DLGAP2: variants seen among roughly 807,000 people sequenced by gnomAD.
The protein encoded by DLGAP2 is DLG associated protein 2, also known as disks large-associated protein 2.
DLGAP2 carries 26 observed loss-of-function variants against 100.3 expected under a neutral mutation model. The ratio of observed to expected loss-of-function variants is 0.26; its 90% CI spans 0.19 to 0.36. The LOEUF (loss-of-function observed/expected upper bound fraction) is 0.36, where lower values mean the gene tolerates loss of function less well. DLGAP2 is among the 10% of genes least tolerant of loss of function. The pLI, the probability that DLGAP2 is intolerant of heterozygous loss-of-function variation, is 1.00. For synonymous variants in DLGAP2, 886 were observed against 630.1 expected, an observed-to-expected ratio of 1.41 and a Z score of -6.08; for missense variants, 1,858 against 1,453.2, an observed-to-expected ratio of 1.28 and a Z score of -4.53.
intron 1 of DLGAP2, among the ~76,000 whole-genome samples, chr8:831,436 A>C (rs556309055): frequency 2.0e-5 from 3 of 151,958 alleles, no homozygotes; most frequent in East Asian, 3.9e-4. Flanking sequence ...TCATTGTTCA[A>C]TTCCTACCTA....
chr8:848,874 T>TCTGTTCCAGAATAGGAACGCGCGGTGC (rs1563061826), intron 1 of DLGAP2, among the ~76,000 whole-genome samples: 16,058 of 130,174 alleles, frequency 0.12, 2,695 homozygotes, highest in Admixed American at 0.29. Context: ...TCGCGCGGTG[T>TCTGTTCCAGAATAGGAACGCGCGGTGC]CTGTTCCAGC....
intron 3 of DLGAP2, among the ~76,000 whole-genome samples, chr8:1,434,740 G>A (rs946913655): frequency 6.6e-6 from 1 of 152,192 alleles, no homozygotes; most frequent in Non-Finnish European, 1.5e-5. Flanking sequence ...CTTCCAAAGT[G>A]CTGGGATTAC....
At chr8:1,199,474 A>G (rs1337231226) in intron 2 of DLGAP2, among the ~76,000 whole-genome samples, 2 of 152,188 alleles carry the variant, frequency 1.3e-5, no homozygotes, top group African/African-American at 2.4e-5. Context: ...AGGAGGACAC[A>G]GTAAAGGCAC....
intron 1 of DLGAP2, among the ~76,000 whole-genome samples, chr8:770,137 T>A (rs879448910): frequency 3.3e-5 from 5 of 152,208 alleles, no homozygotes; most frequent in Non-Finnish European, 5.9e-5. Context: ...AGAAGAAACA[T>A]ACATTATCCC....
intron 2 of DLGAP2, among the ~76,000 whole-genome samples, chr8:926,015 C>T (rs531932391): frequency 2.0e-5 from 3 of 152,308 alleles, no homozygotes; most frequent in Admixed American, 2.0e-4. Context: ...CACTTGGGCT[C>T]CGGGCCGCTC....
At position 931,523 on chromosome 8, in the gene DLGAP2, T is replaced by A. The variant is rs140454892; in HGVS notation, c.73+23557T>A. On this transcript the variant is annotated intron_variant, in intron 2 of 14. Transcript: ENST00000637795. ...AGAATCCCAGGTATCTCGGCCGTTA[T>A]TTTTAGGCACTGCCACTTGTCATGA... Among the ~76,000 whole-genome samples, 614 of 152,328 alleles carry A rather than the reference T, an allele frequency of 4.0e-3. 4 individuals are homozygous for A. The highest frequency in any genetic ancestry group is 0.014 in the African/African-American group (576 of 41,586).
At chr8:751,747 AT>A (rs1820796231) in intron 1 of DLGAP2, among the ~76,000 whole-genome samples, 1 of 152,180 alleles carries the variant, frequency 6.6e-6, no homozygotes, top group African/African-American at 2.4e-5. Context: ...TAGGAAGTTC[AT>A]CTGACACTTT....
chr8:1,511,198 C>A (rs574934909), intron 4 of DLGAP2, among the ~76,000 whole-genome samples: 1 of 151,378 alleles, frequency 6.6e-6, no homozygotes, highest in South Asian at 2.1e-4. Flanking sequence ...CTTCCATGGA[C>A]GTAAGTGCTG....
intron 2 of DLGAP2, among the ~76,000 whole-genome samples, chr8:937,116 A>G (rs2129004520): frequency 6.6e-6 from 1 of 152,268 alleles, no homozygotes; most frequent in South Asian, 2.1e-4. Context: ...ACTCTTCTTA[A>G]GACTTTCTCC....
intron 4 of DLGAP2, among the ~76,000 whole-genome samples, chr8:1,507,928 TAGG>T (rs1376891018): frequency 1.3e-5 from 2 of 151,232 alleles, no homozygotes; most frequent in Admixed American, 6.6e-5. Context: ...CCACACATTT[TAGG>T]AGAAGGCTCC....
chr8:819,702 C>T (rs901965235), intron 1 of DLGAP2, among the ~76,000 whole-genome samples: 1 of 152,118 alleles, frequency 6.6e-6, no homozygotes, highest in African/African-American at 2.4e-5. Context: ...AAGAATAAGC[C>T]TCACAAAATA....
rs933291154 is a variant in DLGAP2, at chr8:1,165,392, C to T, written c.74-93459C>T. On this transcript the variant is annotated intron_variant, in intron 2 of 14. Transcript: ENST00000637795. ...TACCAAGCGCTGGCACAGCCGGGCT[C>T]GGGTCTTAGGGGACAGGTGCTGTGA... 3.9e-5 allele frequency among the ~76,000 whole-genome samples: 6 copies of T among 152,284 alleles called. No individual in the cohort carries two copies. The South Asian group carries it at 1.0e-3, about 26-fold the overall frequency.
At chr8:1,338,864 G>T (rs1203489771) in intron 3 of DLGAP2, among the ~76,000 whole-genome samples, 1 of 145,928 alleles carries the variant, frequency 6.9e-6, no homozygotes, top group Non-Finnish European at 1.5e-5. Flanking sequence ...AGTGACTTCA[G>T]TGAGGCGTCA....
intron 6 of DLGAP2, among the ~76,000 whole-genome samples, chr8:1,614,918 A>C (rs1362779312): frequency 6.6e-6 from 1 of 152,210 alleles, no homozygotes; most frequent in Non-Finnish European, 1.5e-5. Context: ...GGAAGTAGAG[A>C]CTATTCACAT....
At chr8:1,377,515 G>C (rs149916075) in intron 3 of DLGAP2, among the ~76,000 whole-genome samples, 1 of 152,186 alleles carries the variant, frequency 6.6e-6, no homozygotes, top group African/African-American at 2.4e-5. Flanking sequence ...CTGCACTCCA[G>C]CCCGGGCGAT....
chr8:826,660 T>C (rs1049299207), intron 1 of DLGAP2, among the ~76,000 whole-genome samples: 6 of 152,028 alleles, frequency 3.9e-5, no homozygotes, highest in Admixed American at 2.0e-4. Flanking sequence ...GTCTCGAGGG[T>C]CCCGCGCCCC....
At chr8:1,602,426 T>G (rs1035197607) in intron 6 of DLGAP2, among the ~76,000 whole-genome samples, 1 of 152,180 alleles carries the variant, frequency 6.6e-6, no homozygotes, top group Non-Finnish European at 1.5e-5. Flanking sequence ...ATCTCCAGCT[T>G]TAACAGTGAA....
intron 4 of DLGAP2, among the ~76,000 whole-genome samples, chr8:1,544,605 A>T (rs1409717939): frequency 6.6e-6 from 1 of 152,154 alleles, no homozygotes; most frequent in Non-Finnish European, 1.5e-5. Flanking sequence ...TGTTCTATTA[A>T]AGTGATTTAT....
At chr8:1,408,544 C>G (rs1302434451) in intron 3 of DLGAP2, among the ~76,000 whole-genome samples, 3 of 152,220 alleles carry the variant, frequency 2.0e-5, no homozygotes, top group Admixed American at 6.5e-5. Flanking sequence ...CACTGGGACT[C>G]CAGCATTGTC....
Sources: allele counts gnomAD v4.1 joint callset (sites outside exome capture counted in the v4.1 genomes callset), GRCh38; gene constraint gnomAD v4.1.1; transcripts MANE v1.5; gene names NCBI Gene and HGNC (gene_info 2026-07-23, HGNC 2026-07-21).